TBC1D22B: variants seen among roughly 807,000 people sequenced by gnomAD.
TBC1D22B encodes the protein TBC1 domain family member 22B.
TBC1D22B carries 32 observed loss-of-function variants against 69.1 expected under a neutral mutation model. The observed-to-expected ratio is 0.46, with a 90% CI of 0.35 to 0.62. TBC1D22B has a LOEUF of 0.62. Ranked by LOEUF, TBC1D22B falls within the 20% of genes least tolerant of loss-of-function variation. The pLI is 0.00. For synonymous variants in TBC1D22B, 206 were observed against 229.8 expected (o/e 0.90, Z 0.94); for missense variants, 462 against 630.9 (o/e 0.73, Z 2.87).
chr6:37,330,515 C>T (rs75479482), intron 12 of TBC1D22B, among the ~76,000 whole-genome samples: 13,121 of 152,048 alleles, frequency 0.086, 605 homozygotes, highest in Middle Eastern at 0.099. Context: ...GGATTACAGG[C>T]GTGAGCCACC....
At chr6:37,322,305 C>T (rs999360686) in intron 12 of TBC1D22B, among the ~76,000 whole-genome samples, 4 of 152,068 alleles carry the variant, frequency 2.6e-5, no homozygotes, top group South Asian at 4.1e-4. Flanking sequence ...TGGGAGGCCA[C>T]GGCAGGCAGA....
At chr6:37,313,209 G>T (rs1411639760) in intron 9 of TBC1D22B, among the ~76,000 whole-genome samples, 185 bp downstream of exon 9, 3 of 152,036 alleles carry the variant, frequency 2.0e-5, no homozygotes, top group East Asian at 1.9e-4. Flanking sequence ...GCAATGGTGG[G>T]TCGGGCACGG....
At chr6:37,284,795 G>A (rs142345793) in intron 6 of TBC1D22B, among the ~76,000 whole-genome samples, 250 of 152,332 alleles carry the variant, frequency 1.6e-3, no homozygotes, top group South Asian at 7.5e-3. Flanking sequence ...AAAGCCTGAA[G>A]TTCTGATGTG....
chr6:37,258,234 G>A, intron 1 of TBC1D22B: 1 of 510,680 alleles, frequency 2.0e-6, no homozygotes, highest in South Asian at 2.3e-5. Flanking sequence ...CCGAAGATTG[G>A]GCGTAAAGGG....
rs73419818 is a variant in TBC1D22B, at chr6:37,258,261, A to G, written c.56+288A>G. On this transcript the variant is annotated intron_variant, in intron 1 of 12. Coordinates refer to ENST00000373491, the MANE Select transcript of TBC1D22B (RefSeq NM_017772.4). ...CGTAAAGGGGAGTGGAGTTGGGTGA[A>G]TAGTCAGTGTCGGCCCTGGTCTCGG... The G allele has an allele frequency of 0.014, 6,042 of 442,082 alleles. 294 individuals carry two copies. Among genetic ancestry groups the G allele is most frequent in the African/African-American group, 0.11 (5,309 of 48,520 alleles). The allele number at this position is 442,082 out of a possible 1,614,324, so 27.4% of individuals were successfully genotyped here.
At chr6:37,274,086 G>A (rs1043291673) in intron 2 of TBC1D22B, among the ~76,000 whole-genome samples, 1 of 152,202 alleles carries the variant, frequency 6.6e-6, no homozygotes, top group Non-Finnish European at 1.5e-5. Context: ...CTGAGCAGCT[G>A]CATTGGCCAC....
chr6:37,286,326 T>TG (rs1458728262), intron 6 of TBC1D22B, among the ~76,000 whole-genome samples: 1 of 151,546 alleles, frequency 6.6e-6, no homozygotes, highest in Admixed American at 6.6e-5. Context: ...CATTTCTTTT[T>TG]TTTTTTTGAG....
intron 3 of TBC1D22B, among the ~76,000 whole-genome samples, chr6:37,280,257 A>G (rs1444492525): frequency 6.6e-6 from 1 of 152,180 alleles, no homozygotes; most frequent in East Asian, 1.9e-4. Context: ...TCCTTTAAAT[A>G]TTCATGGTTA....
At chr6:37,258,494 C>A (rs924238235) in intron 1 of TBC1D22B, among the ~76,000 whole-genome samples, 1 of 152,146 alleles carries the variant, frequency 6.6e-6, no homozygotes, top group Non-Finnish European at 1.5e-5. Flanking sequence ...CCTGACCTTA[C>A]TTTATCTTGA....
chr6:37,282,434 C>T, intron 4 of TBC1D22B, 70 bp downstream of exon 4: 1 of 1,476,112 alleles, frequency 6.8e-7, no homozygotes, highest in Non-Finnish European at 9.1e-7. Flanking sequence ...CTGGAAGCTA[C>T]TGCTCTTTAT....
intron 3 of TBC1D22B, 49 bp downstream of exon 3, chr6:37,279,660 C>T (rs767278759): frequency 9.1e-6 from 14 of 1,531,764 alleles, no homozygotes; most frequent in Non-Finnish European, 1.1e-5. Flanking sequence ...CAGCAGCGTG[C>T]ATTTTAAATA....
Position 37,257,799 on chromosome 6 carries a change from G to A in TBC1D22B, c.-119G>A. 1.8e-6 allele frequency: 2 copies of A among 1,118,440 alleles called. No homozygotes were observed. Among genetic ancestry groups the A allele is most frequent in the Non-Finnish European group, 1.3e-6 (1 of 774,390 alleles). The allele number at this position is 1,118,440 out of a possible 1,614,324, so 69.3% of individuals were successfully genotyped here. On this transcript the variant is annotated 5_prime_UTR_variant, in exon 1 of 13. Transcript: ENST00000373491. ...ATCCAAGATGGCGTCCCCAGGAGCT[G>A]GGAGCGGGTGACCGGCGGCGGGGAA...
chr6:37,301,958 T>A (rs961884688), intron 8 of TBC1D22B, among the ~76,000 whole-genome samples: 2 of 152,166 alleles, frequency 1.3e-5, no homozygotes, highest in Non-Finnish European at 2.9e-5. Context: ...CCCATCTCAC[T>A]GAATCATAGC....
In TBC1D22B at chr6:37,291,184, G is replaced by A. The variant is rs1468965742; in HGVS notation, c.868-59G>A. The A allele has an allele frequency of 9.9e-6, 12 of 1,208,740 alleles. No homozygotes were observed. The East Asian group carries it at 2.6e-4, about 26-fold the overall frequency. 74.9% of individuals were successfully genotyped at this position (1,208,740 alleles called of 1,614,324 possible). ...GTAAATTGTGAAGTAGGTAAACGGA[G>A]GGAAGGAGTGTGTGTCCCCGTGATT... On this transcript the variant is annotated intron_variant, in intron 7 of 12. Transcript: ENST00000373491.
In TBC1D22B at chr6:37,279,465, T is replaced by C. The variant is rs528226577; in HGVS notation, c.275T>C (p.Val92Ala). 6.2e-6 allele frequency: 10 copies of C among 1,614,162 alleles called. No individual in the cohort carries two copies. In the East Asian group the frequency reaches 2.0e-4, roughly 32 times the overall value. The part of the protein sequence containing the change: ...SPSFQTLNSK[V>A]ALATAAQVLE... ...TCTTTCCAAACTCTGAACTCAAAAG[T>C]TGCTTTGGCAACTGCAGCCCAAGTT... The change falls in exon 3 of 13, where the codon GTT (valine) becomes GCT (alanine). Residue 92 changes from valine (V) to alanine (A), a missense_variant. Val to Ala is a moderately conservative substitution (Grantham distance 64). Coordinates refer to ENST00000373491, the MANE Select transcript of TBC1D22B (RefSeq NM_017772.4).
rs141039423 is a variant in TBC1D22B at position 37,305,084 on chromosome 6, G to A, written c.983-7834G>A. On this transcript the variant is annotated intron_variant, in intron 8 of 12. Transcript: ENST00000373491. ...ACATTTTCAAAGAAAAGGTAGTGTGGATCCTGTTGTCTTGTCTTGCTCCTG... is the reference window on the plus strand; with the variant it reads ...ACATTTTCAAAGAAAAGGTAGTGTGAATCCTGTTGTCTTGTCTTGCTCCTG... 7.5e-3 allele frequency among the ~76,000 whole-genome samples: 1,141 copies of A among 152,272 alleles called. 8 individuals are homozygous for A. The highest frequency in any genetic ancestry group is 0.012 in the Non-Finnish European group (827 of 67,996).
At chr6:37,327,401 C>G (rs1274707693) in intron 12 of TBC1D22B, among the ~76,000 whole-genome samples, 1 of 93,080 alleles carries the variant, frequency 1.1e-5, no homozygotes, top group African/African-American at 5.5e-5. Flanking sequence ...TGGCGTGAAC[C>G]CGGGAGGCGG....
intron 6 of TBC1D22B, 27 bp downstream of exon 6, chr6:37,284,491 G>A: frequency 6.5e-7 from 1 of 1,542,836 alleles, no homozygotes; most frequent in East Asian, 2.3e-5. Flanking sequence ...CTGCCTCTTT[G>A]CTTACCAGTC....
At chr6:37,297,436 G>A (rs923374570) in intron 8 of TBC1D22B, among the ~76,000 whole-genome samples, 2 of 152,066 alleles carry the variant, frequency 1.3e-5, no homozygotes, top group Non-Finnish European at 2.9e-5. Flanking sequence ...CCTTTAGTAG[G>A]GCCCAATATC....
Sources: gnomAD v4.1 joint callset for allele counts (sites outside exome capture counted in the v4.1 genomes callset) on GRCh38, gnomAD v4.1.1 for gene constraint, MANE v1.5 for transcripts, NCBI Gene and HGNC (gene_info 2026-07-23, HGNC 2026-07-21) for gene names.